CCBE1: variants seen among roughly 807,000 people sequenced by gnomAD.
The protein encoded by CCBE1 is collagen and calcium binding EGF domains 1.
CCBE1 carries 37 observed loss-of-function variants against 50.0 expected under a neutral mutation model. The observed-to-expected ratio is 0.74, with a 90% confidence interval of 0.57 to 0.97. The LOEUF (loss-of-function observed/expected upper bound fraction) is 0.97, where lower values mean the gene tolerates loss of function less well. Among genes scored for constraint, CCBE1 ranks in the 50% least tolerant of loss-of-function variants. CCBE1 has a pLI of 0.00. For missense variants in CCBE1, 538 were observed against 523.8 expected (o/e 1.03, Z -0.26); for synonymous variants, 234 against 203.7 (o/e 1.15, Z -1.27).
chr18:59,436,172 T>C (rs1035405725), intron 10 of CCBE1, 31 bp from the exon 11 acceptor site: 4 of 1,600,586 alleles, frequency 2.5e-6, no homozygotes, highest in Non-Finnish European at 8.6e-7. Context: ...AAAGCTAGAA[T>C]ACGACAGACA....
chr18:59,688,978 G>A (rs1021454489), intron 2 of CCBE1, among the ~76,000 whole-genome samples: 1 of 152,206 alleles, frequency 6.6e-6, no homozygotes, highest in Middle Eastern at 3.2e-3. Flanking sequence ...CAGGAGTCAA[G>A]TTTTCTTTTG....
chr18:59,509,972 G>T (rs1914061482), intron 2 of CCBE1, among the ~76,000 whole-genome samples: 1 of 152,174 alleles, frequency 6.6e-6, no homozygotes, highest in African/African-American at 2.4e-5. Context: ...ACACCAGGCT[G>T]CCAGAGGCGA....
chr18:59,663,735 G>A (rs2054316408), intron 2 of CCBE1, among the ~76,000 whole-genome samples: 1 of 152,128 alleles, frequency 6.6e-6, no homozygotes, highest in Non-Finnish European at 1.5e-5. Context: ...TAAGCTGAGT[G>A]GCAGTAGGGA....
intron 2 of CCBE1, among the ~76,000 whole-genome samples, chr18:59,538,601 T>A (rs948418370): frequency 1.3e-5 from 2 of 152,112 alleles, no homozygotes; most frequent in African/African-American, 4.8e-5. Context: ...ACACATGACA[T>A]CCTGGGGAAA....
chr18:59,559,447 C>A (rs534470907), intron 2 of CCBE1, among the ~76,000 whole-genome samples: 1 of 152,292 alleles, frequency 6.6e-6, no homozygotes, highest in South Asian at 2.1e-4. Context: ...CGTGCCCCGC[C>A]AAGTTGTGGG....
intron 2 of CCBE1, chr18:59,564,168 T>C (rs1007873313): frequency 6.6e-6 from 1 of 152,216 alleles, no homozygotes; most frequent in African/African-American, 2.4e-5. Context: ...TCTAAAACTT[T>C]CCTTTCGAAA....
chr18:59,630,307 A>G (rs2053835133), intron 2 of CCBE1, among the ~76,000 whole-genome samples: 1 of 152,242 alleles, frequency 6.6e-6, no homozygotes, highest in Non-Finnish European at 1.5e-5. Context: ...TTCCTTCATA[A>G]ACAGCTCTTT....
At chr18:59,653,102 T>C (rs1418171790) in intron 2 of CCBE1, among the ~76,000 whole-genome samples, 2 of 152,230 alleles carry the variant, frequency 1.3e-5, no homozygotes, top group African/African-American at 2.4e-5. Context: ...TCACTTACCA[T>C]GTTCCAAAAA....
chr18:59,546,815 C>T (rs923433615), intron 2 of CCBE1, among the ~76,000 whole-genome samples: 3 of 152,094 alleles, frequency 2.0e-5, no homozygotes, highest in South Asian at 2.1e-4. Flanking sequence ...TAATTTAAAA[C>T]AATCTTTTAT....
chr18:59,461,300 C>CTT (rs11379671), intron 5 of CCBE1, among the ~76,000 whole-genome samples: 1,949 of 133,624 alleles, frequency 0.015, 36 homozygotes, highest in African/African-American at 0.039. Flanking sequence ...AGTGGAGGCA[C>CTT]TTTTTTTTTT....
chr18:59,564,669 A>G (rs769967063), intron 2 of CCBE1, among the ~76,000 whole-genome samples: 4 of 152,232 alleles, frequency 2.6e-5, no homozygotes, highest in Non-Finnish European at 5.9e-5. Flanking sequence ...CTTTCATAGC[A>G]TCTGGCACAG....
At chr18:59,692,891 A>AC (rs1247197093) in intron 2 of CCBE1, among the ~76,000 whole-genome samples, 1 of 149,972 alleles carries the variant, frequency 6.7e-6, no homozygotes, top group Non-Finnish European at 1.5e-5. Flanking sequence ...CCCAAAGCCA[A>AC]AATCACAGCG....
Position 59,508,711 on chromosome 18 carries a change from C to CTTTTTTTTTT in CCBE1, c.213-28483_213-28474dup, listed in dbSNP as rs55881131. On this transcript the variant is annotated intron_variant, in intron 2 of 10. Transcript: ENST00000439986. ...AGCACAGTACACACATAGAGTTACG[C>CTTTTTTTTTT]TTTTTTTTTTTTTTTTTTTTTTGAG... Among the ~76,000 whole-genome samples the CTTTTTTTTTT allele has an allele frequency of 3.4e-4, 33 of 95,688 alleles. 1 individual carries two copies. Among genetic ancestry groups the CTTTTTTTTTT allele is most frequent in the African/African-American group, 6.8e-4 (15 of 22,086 alleles). The allele number at this position is 95,688 out of a possible 152,430, so 62.8% of individuals were successfully genotyped here.
At chr18:59,452,515 C>G (rs142823349) in intron 6 of CCBE1, among the ~76,000 whole-genome samples, 2 of 152,124 alleles carry the variant, frequency 1.3e-5, no homozygotes, top group Non-Finnish European at 2.9e-5. Flanking sequence ...ATTGCTTGAA[C>G]CTGGGAGGCA....
At chr18:59,673,524 G>T (rs2054461400) in intron 2 of CCBE1, among the ~76,000 whole-genome samples, 2 of 152,146 alleles carry the variant, frequency 1.3e-5, no homozygotes, top group African/African-American at 4.8e-5. Context: ...ACAGTGCCTG[G>T]AACATAGTAA....
intron 2 of CCBE1, among the ~76,000 whole-genome samples, chr18:59,533,577 A>G (rs868672976): frequency 6.6e-6 from 1 of 152,204 alleles, no homozygotes; most frequent in African/African-American, 2.4e-5. Flanking sequence ...TTATTCATAT[A>G]TAAAGCATTT....
intron 2 of CCBE1, among the ~76,000 whole-genome samples, chr18:59,645,698 A>G (rs546492025): frequency 3.2e-4 from 48 of 152,350 alleles, no homozygotes; most frequent in Admixed American, 9.8e-4. Flanking sequence ...TTTTGAAACC[A>G]ATTCAGCCAG....
At chr18:59,585,550 T>C (rs997507870) in intron 2 of CCBE1, among the ~76,000 whole-genome samples, 2 of 152,186 alleles carry the variant, frequency 1.3e-5, no homozygotes, top group African/African-American at 4.8e-5. Context: ...TGAGAACCAC[T>C]TTCAGGTACC....
chr18:59,527,103 TAA>T (rs1348543123), intron 2 of CCBE1, among the ~76,000 whole-genome samples: 3 of 152,188 alleles, frequency 2.0e-5, no homozygotes, highest in African/African-American at 4.8e-5. Context: ...AGTGGGGTGT[TAA>T]AGTCTCCCAC....
Sources: allele counts gnomAD v4.1 joint callset (sites outside exome capture counted in the v4.1 genomes callset), GRCh38; gene constraint gnomAD v4.1.1; transcripts MANE v1.5; gene names NCBI Gene and HGNC (gene_info 2026-07-23, HGNC 2026-07-21).